Variants in AGBL4 observed in about 807,000 individuals in gnomAD.
AGBL4 encodes the protein cytosolic carboxypeptidase 6.
A neutral mutation model predicts 66.4 loss-of-function variants in AGBL4; 58 were observed. The observed-to-expected ratio is 0.87, with a 90% confidence interval of 0.71 to 1.09. AGBL4 has a LOEUF of 1.09. Ranked by LOEUF, AGBL4 falls within the 50% of genes least tolerant of loss-of-function variation. The pLI is 0.00. For synonymous variants in AGBL4, 234 were observed against 222.9 expected (o/e 1.05, Z -0.44); for missense variants, 579 against 631.0 (o/e 0.92, Z 0.88).
chr1:48,955,821 G>T (rs1657404977), intron 5 of AGBL4, among the ~76,000 whole-genome samples: 1 of 152,250 alleles, frequency 6.6e-6, no homozygotes, highest in Non-Finnish European at 1.5e-5. Context: ...ATCTCCACCA[G>T]TGAAACAAAG....
intron 1 of AGBL4, 68 bp from the exon 2 acceptor site, chr1:49,851,586 GT>G: frequency 6.8e-7 from 1 of 1,470,560 alleles, no homozygotes; most frequent in Non-Finnish European, 9.2e-7. Context: ...GATTTTTACT[GT>G]TAATTACCCC....
rs1038261008 is a variant in AGBL4, at chr1:49,856,543, T to C, written c.35-5025A>G. 2.0e-5 allele frequency among the ~76,000 whole-genome samples: 3 copies of C among 152,266 alleles called. No homozygotes were observed. In the South Asian group the frequency reaches 6.2e-4, roughly 32 times the overall value. ...GGATATACACCATGCTCAAGTGGAA[T>C]GTATCCCAGGGATACAAGGACGGTT... On this transcript the variant is annotated intron_variant, in intron 1 of 13. Coordinates refer to ENST00000371839, the MANE Select transcript of AGBL4 (RefSeq NM_032785.4).
chr1:48,624,798 T>C (rs899978693), intron 9 of AGBL4, among the ~76,000 whole-genome samples: 2 of 152,230 alleles, frequency 1.3e-5, no homozygotes, highest in South Asian at 2.1e-4. Context: ...GTACGGAGGA[T>C]TTTGAGAGTG....
chr1:49,423,292 C>T (rs1241406970), intron 3 of AGBL4, among the ~76,000 whole-genome samples: 2 of 152,200 alleles, frequency 1.3e-5, no homozygotes, highest in African/African-American at 2.4e-5. Flanking sequence ...TTTTATTCAT[C>T]TCTGTTTCTA....
intron 6 of AGBL4, chr1:48,758,945 G>T: frequency 6.3e-7 from 1 of 1,591,496 alleles, no homozygotes; most frequent in Non-Finnish European, 8.5e-7. Context: ...CTCCGGTTAA[G>T]GTCACGGAGC....
At chr1:48,986,098 A>G (rs1660158435) in intron 5 of AGBL4, among the ~76,000 whole-genome samples, 1 of 152,114 alleles carries the variant, frequency 6.6e-6, no homozygotes, top group Non-Finnish European at 1.5e-5. Context: ...GTATCAATAG[A>G]AACTAACCAA....
At chr1:49,648,207 T>C (rs1290877278) in intron 3 of AGBL4, among the ~76,000 whole-genome samples, 1 of 151,854 alleles carries the variant, frequency 6.6e-6, no homozygotes, top group Non-Finnish European at 1.5e-5. Context: ...TTAAACACTA[T>C]AACATAAATG....
chr1:49,162,598 C>A (rs530931696), intron 4 of AGBL4, among the ~76,000 whole-genome samples: 76 of 152,302 alleles, frequency 5.0e-4, no homozygotes, highest in African/African-American at 1.6e-3. Flanking sequence ...CCACACAAAT[C>A]TGCCATTCCA....
chr1:49,536,341 A>G (rs1269031608), intron 3 of AGBL4, among the ~76,000 whole-genome samples: 1 of 152,178 alleles, frequency 6.6e-6, no homozygotes, highest in Non-Finnish European at 1.5e-5. Context: ...ACAGCAACAG[A>G]GCAGAAATTT....
chr1:48,638,377 T>C (rs1645701970), intron 8 of AGBL4, among the ~76,000 whole-genome samples: 1 of 152,226 alleles, frequency 6.6e-6, no homozygotes, highest in Non-Finnish European at 1.5e-5. Flanking sequence ...TAAATGCACC[T>C]GTAGGCTTCT....
chr1:48,871,353 T>TGTGTGTGTG (rs1553247482), intron 5 of AGBL4, among the ~76,000 whole-genome samples: 1 of 140,978 alleles, frequency 7.1e-6, no homozygotes, highest in Non-Finnish European at 1.6e-5. Context: ...GTAGTAGTGG[T>TGTGTGTGTG]TGTGTGTGTG....
chr1:49,870,626 C>T (rs1316689224), intron 1 of AGBL4, among the ~76,000 whole-genome samples: 1 of 150,848 alleles, frequency 6.6e-6, no homozygotes, highest in African/African-American at 2.4e-5. Context: ...GAAAGAAGAA[C>T]TATCAGATTT....
intron 3 of AGBL4, among the ~76,000 whole-genome samples, chr1:49,654,844 T>C (rs1272146260): frequency 6.6e-6 from 1 of 152,194 alleles, no homozygotes; most frequent in Non-Finnish European, 1.5e-5. Context: ...GTTTCCTGAA[T>C]ACAGAACACT....
intron 2 of AGBL4, among the ~76,000 whole-genome samples, chr1:49,739,694 A>G (rs1022317322): frequency 1.3e-5 from 2 of 152,230 alleles, no homozygotes; most frequent in South Asian, 2.1e-4. Flanking sequence ...TCAGACTAAC[A>G]GCGGATCTCT....
chr1:48,833,023 C>G (rs1038217182), intron 6 of AGBL4, among the ~76,000 whole-genome samples: 1 of 152,200 alleles, frequency 6.6e-6, no homozygotes, highest in African/African-American at 2.4e-5. Flanking sequence ...ACCTCTCTGC[C>G]TCCCTAATCA....
intron 4 of AGBL4, among the ~76,000 whole-genome samples, chr1:49,100,530 C>T (rs1645182225): frequency 6.6e-6 from 1 of 152,162 alleles, no homozygotes; most frequent in African/African-American, 2.4e-5. Context: ...GCATAAGAGG[C>T]ATGAAGTTCT....
chr1:49,061,483 G>A (rs1644401122), intron 4 of AGBL4, among the ~76,000 whole-genome samples: 1 of 152,140 alleles, frequency 6.6e-6, no homozygotes, highest in South Asian at 2.1e-4. Flanking sequence ...ATGAGATCTG[G>A]GCTGGAGAGG....
intron 3 of AGBL4, among the ~76,000 whole-genome samples, chr1:49,249,942 G>A (rs1651918415): frequency 6.6e-6 from 1 of 152,140 alleles, no homozygotes; most frequent in Admixed American, 6.5e-5. Context: ...TGAAACTGGT[G>A]GTCACAACAT....
In AGBL4 at chr1:48,805,078, C is replaced by A. The variant is rs188986909; in HGVS notation, c.634+62113G>T. On this transcript the variant is annotated intron_variant, in intron 6 of 13. Coordinates refer to ENST00000371839, the MANE Select transcript of AGBL4 (RefSeq NM_032785.4). ...CATCTGTTCAGCAAATCTCAGAAAC[C>A]TGCTGGGTACCAGACCCCCATGCTA... 1.8e-3 allele frequency among the ~76,000 whole-genome samples: 281 copies of A among 152,268 alleles called. 1 individual carries two copies. Among genetic ancestry groups the A allele is most frequent in the African/African-American group, 6.6e-3 (274 of 41,540 alleles).
Sources: allele counts gnomAD v4.1 joint callset (sites outside exome capture counted in the v4.1 genomes callset), GRCh38; gene constraint gnomAD v4.1.1; transcripts MANE v1.5; gene names NCBI Gene and HGNC (gene_info 2026-07-23, HGNC 2026-07-21).